The following RTN3 variants were observed in gnomAD, a reference collection of about 807,000 sequenced individuals.
RTN3 encodes reticulon 3.
RTN3 carries 49 observed loss-of-function variants against 77.8 expected under a neutral mutation model. The observed-to-expected ratio is 0.63, with a 90% CI of 0.50 to 0.80. The LOEUF is 0.80. RTN3 is among the 30% of genes least tolerant of loss of function. The pLI, the probability that RTN3 is intolerant of heterozygous loss-of-function variation, is 0.00. For missense variants in RTN3, 1,236 were observed against 1,211.9 expected, an observed-to-expected ratio of 1.02 and a Z score of -0.29; for synonymous variants, 464 against 446.9, an observed-to-expected ratio of 1.04 and a Z score of -0.48.
At chr11:63,716,900 C>T (rs1265645782) in intron 2 of RTN3, among the ~76,000 whole-genome samples, 3 of 138,518 alleles carry the variant, frequency 2.2e-5, no homozygotes, top group Admixed American at 8.3e-5. Context: ...ACCCGGGAGG[C>T]GGAGCTTGCA....
intron 1 of RTN3, among the ~76,000 whole-genome samples, chr11:63,693,666 G>T (rs1332701621): frequency 6.6e-6 from 1 of 152,154 alleles, no homozygotes; most frequent in Non-Finnish European, 1.5e-5. Context: ...AAGTGCTGAG[G>T]AGAGAGTTTT....
intron 3 of RTN3, among the ~76,000 whole-genome samples, chr11:63,749,000 G>A (rs1241081606): frequency 1.3e-5 from 2 of 151,806 alleles, no homozygotes; most frequent in Non-Finnish European, 2.9e-5. Context: ...ACTGCAGCTT[G>A]GCCAGGCATG....
chr11:63,712,898 C>T (rs1236431768), intron 2 of RTN3, among the ~76,000 whole-genome samples: 1 of 152,072 alleles, frequency 6.6e-6, no homozygotes, highest in Non-Finnish European at 1.5e-5. Flanking sequence ...GAGTTCCAGA[C>T]CAGCCTAACC....
chr11:63,720,062 G>A lies in RTN3; in HGVS notation c.1560G>A (p.Gln520=). 6.2e-7 allele frequency: 1 copy of A among 1,613,974 alleles called. No individual in the cohort carries two copies. Among genetic ancestry groups the A allele is most frequent in the Non-Finnish European group, 8.5e-7 (1 of 1,179,996 alleles). ...CATCATTTGAAAATAACAAAATTCAGGCTGAAAAACCTGTTTCCATTCCAA... is the reference window on the plus strand; with the variant it reads ...CATCATTTGAAAATAACAAAATTCAAGCTGAAAAACCTGTTTCCATTCCAA... ...ADTSFENNKI[Q]AEKPVSIPSA... Residue 520 remains glutamine, a synonymous_variant, in exon 3 of 9, where the codon CAG becomes CAA. Coordinates refer to ENST00000377819, the MANE Select transcript of RTN3 (RefSeq NM_001265589.2).
chr11:63,753,755 C>G (rs754804382), intron 7 of RTN3, 47 bp downstream of exon 7: 5 of 1,494,816 alleles, frequency 3.3e-6, no homozygotes, highest in Non-Finnish European at 4.7e-6. Context: ...TGATGTATGA[C>G]TAGTTGTAGT....
chr11:63,756,917 G>C (rs977406766), intron 8 of RTN3, among the ~76,000 whole-genome samples: 2 of 152,170 alleles, frequency 1.3e-5, no homozygotes, highest in African/African-American at 4.8e-5. Context: ...GTGGTGGCAT[G>C]CAACTTTAGT....
Position 63,703,947 on chromosome 11 carries a change from A to G in RTN3, c.143-904A>G, listed in dbSNP as rs150692852. 6.7e-4 allele frequency among the ~76,000 whole-genome samples: 102 copies of G among 152,210 alleles called. 1 individual carries two copies. Among genetic ancestry groups the G allele is most frequent in the African/African-American group, 2.1e-3 (89 of 41,536 alleles). ...GGGGGACTGGGAGGAGAATATGTGC[A>G]TTTTAAATTTTGATACATGTTGCTG... is the stretch of plus-strand genomic sequence containing the variant. On this transcript the variant is annotated intron_variant, in intron 1 of 8. Transcript: ENST00000377819.
At chr11:63,727,813 A>G (rs2012389714) in intron 3 of RTN3, among the ~76,000 whole-genome samples, 3 of 152,178 alleles carry the variant, frequency 2.0e-5, no homozygotes, top group Admixed American at 2.0e-4. Flanking sequence ...GAGTCCTAGC[A>G]GGAGAGGAAA....
chr11:63,718,617 AAT>A (rs1159339603), intron 2 of RTN3, 83 bp from the exon 3 acceptor site: 1 of 943,480 alleles, frequency 1.1e-6, no homozygotes, highest in African/African-American at 1.7e-5. Flanking sequence ...TAATTTAAAA[AAT>A]AAAAAGCATG....
At chr11:63,717,434 G>T (rs2134809355) in intron 2 of RTN3, among the ~76,000 whole-genome samples, 1 of 144,580 alleles carries the variant, frequency 6.9e-6, no homozygotes, top group East Asian at 2.1e-4. Context: ...CCCAGGCTGG[G>T]GTGCGATGGC....
In RTN3 at chr11:63,731,904, G is replaced by A. The variant is rs928722088; in HGVS notation, c.2530+10872G>A. On this transcript the variant is annotated intron_variant, in intron 3 of 8. Transcript: ENST00000377819. Reference sequence around the variant, plus strand: ...TTGACCTTGTGATCCGTCCACGTTGGCCTCCCAAAGTGCTGGGATTACAGG... The same window carrying A: ...TTGACCTTGTGATCCGTCCACGTTGACCTCCCAAAGTGCTGGGATTACAGG... Among the ~76,000 whole-genome samples, 4 of 152,258 alleles carry A rather than the reference G, an allele frequency of 2.6e-5. No individual in the cohort carries two copies. In the South Asian group the frequency reaches 8.3e-4, roughly 32 times the overall value.
At chr11:63,726,734 G>A (rs2012295286) in intron 3 of RTN3, among the ~76,000 whole-genome samples, 1 of 151,940 alleles carries the variant, frequency 6.6e-6, no homozygotes, top group South Asian at 2.1e-4. Flanking sequence ...ATTGGCAGGC[G>A]CCTGTAATCC....
At chr11:63,691,445 C>T (rs141109120) in intron 1 of RTN3, among the ~76,000 whole-genome samples, 4 of 152,036 alleles carry the variant, frequency 2.6e-5, no homozygotes, top group Non-Finnish European at 4.4e-5. Context: ...TTGATAGAGA[C>T]GAGGTCTCAC....
intron 4 of RTN3, 143 bp downstream of exon 4, chr11:63,750,341 A>C (rs551997353): frequency 1.5e-6 from 1 of 688,316 alleles, no homozygotes; most frequent in African/African-American, 1.8e-5. Context: ...CATCCCCTAG[A>C]GACCTTGAAA....
chr11:63,718,732 C>A lies in RTN3; in HGVS notation c.230C>A (p.Pro77Gln), dbSNP rs759845680. Residue 77 changes from proline (P) to glutamine (Q), a missense_variant, in exon 3 of 9, where the codon CCA becomes CAA. Around this residue, in one of 3 missense-constraint regions of RTN3, gnomAD observed 1,056 missense variants for 990.4 expected, o/e 1.07. Coordinates refer to ENST00000377819, the MANE Select transcript of RTN3 (RefSeq NM_001265589.2). ...EGLSSLCSDE[P>Q]SSEIMTSSFL... ...TTGAGCTCTCTTTGCTCTGATGAGC[C>A]ATCTTCAGAAATTATGACTTCTTCC... is the stretch of plus-strand genomic sequence containing the variant. 2 of 1,597,366 alleles carry A rather than the reference C, an allele frequency of 1.3e-6. No homozygotes were observed. Among genetic ancestry groups the A allele is most frequent in the South Asian group, 1.2e-5 (1 of 86,936 alleles).
intron 2 of RTN3, among the ~76,000 whole-genome samples, chr11:63,715,684 A>G (rs1053591197): frequency 4.7e-4 from 71 of 150,406 alleles, no homozygotes; most frequent in African/African-American, 1.7e-3. Flanking sequence ...AACACACAAA[A>G]AAACATATAA....
rs1473435471 is a variant in RTN3, at chr11:63,689,840, C to G, written c.142+8062C>G. ...TGGTGGGATCTCTGCTCACTGCAAC[C>G]TCCGCCCCCCGGGTTCAAGCGATTC... On this transcript the variant is annotated intron_variant, in intron 1 of 8. Coordinates refer to ENST00000377819, the MANE Select transcript of RTN3 (RefSeq NM_001265589.2). 2.6e-5 allele frequency among the ~76,000 whole-genome samples: 4 copies of G among 152,032 alleles called. No individual in the cohort carries two copies. The South Asian group carries it at 8.3e-4, about 32-fold the overall frequency.
intron 3 of RTN3, among the ~76,000 whole-genome samples, chr11:63,725,884 C>T (rs2012226747): frequency 6.6e-6 from 1 of 152,112 alleles, no homozygotes; most frequent in African/African-American, 2.4e-5. Context: ...AAGTTAGTGT[C>T]TTCTGTTATG....
intron 4 of RTN3, 148 bp from the exon 5 acceptor site, chr11:63,752,359 G>C: frequency 1.5e-6 from 1 of 676,690 alleles, no homozygotes; most frequent in Non-Finnish European, 2.6e-6. Flanking sequence ...ATGACAGTGT[G>C]TCTCCACCCC....
Sources: gnomAD v4.1 joint callset for allele counts (sites outside exome capture counted in the v4.1 genomes callset) on GRCh38, gnomAD v4.1.1 for gene constraint, gnomAD v4.1.1 regional missense constraint, MANE v1.5 for transcripts, NCBI Gene and HGNC (gene_info 2026-07-23, HGNC 2026-07-21) for gene names.